Variants in POLR2J observed in about 807,000 individuals in gnomAD.
POLR2J encodes DNA-directed RNA polymerase II subunit RPB11-a.
Under a neutral mutation model 13.4 loss-of-function variants are expected in POLR2J, and 12 were observed. The observed-to-expected ratio is 0.90, with a 90% CI of 0.57 to 1.45. The LOEUF is 1.45. POLR2J is among the 40% of genes most tolerant of loss of function. POLR2J has a pLI of 0.00. For synonymous variants in POLR2J, 31 were observed against 53.6 expected, an observed-to-expected ratio of 0.58 and a Z score of 1.84; for missense variants, 58 against 132.0, an observed-to-expected ratio of 0.44 and a Z score of 2.75.
Position 102,473,490 on chromosome 7 carries a change from CCTA to C in POLR2J, c.*156_*158del. 1.1e-6 allele frequency: 1 copy of C among 902,384 alleles called. No homozygotes were observed. The allele number at this position is 902,384 out of a possible 1,614,324, so 55.9% of individuals were successfully genotyped here. On this transcript the variant is annotated 3_prime_UTR_variant, in exon 4 of 4. Coordinates refer to ENST00000292614, the MANE Select transcript of POLR2J (RefSeq NM_006234.6). ...GCTATACTTTATTAGGAATATAAAACCTAATCTATGTACAGGACACGTCGGTGT... is the reference window on the plus strand; with the variant it reads ...GCTATACTTTATTAGGAATATAAAACATCTATGTACAGGACACGTCGGTGT...
At position 102,473,667 on chromosome 7, in the gene POLR2J, C is replaced by G; in HGVS notation, c.336G>C (p.Lys112Asn). 1 of 1,613,882 alleles carries G rather than the reference C, an allele frequency of 6.2e-7. No individual in the cohort carries two copies. The highest frequency in any genetic ancestry group is 8.5e-7 in the Non-Finnish European group (1 of 1,179,930). Residue 112 changes from lysine to asparagine, a missense_variant, in exon 4 of 4, where the codon AAG becomes AAC. This residue lies in a region of POLR2J where 18 missense variants were observed against 16.0 expected (regional missense o/e 1.12). Coordinates refer to ENST00000292614, the MANE Select transcript of POLR2J (RefSeq NM_006234.6). The part of the protein sequence containing the change: ...EERFRVAIKD[K>N]QEGIE The stretch of plus-strand genomic sequence containing the variant: ...CTGGCCCCTACTCAATTCCTTCCTG[C>G]TTGTCTTTTATGGCCACCTGGGAGA...
chr7:102,474,166 G>C (rs899867316), intron 3 of POLR2J, 195 bp downstream of exon 3: 2 of 1,538,996 alleles, frequency 1.3e-6, no homozygotes, highest in Non-Finnish European at 1.8e-6. Context: ...CCATGGGGCA[G>C]ACGGGAGCCA....
Position 102,474,347 on chromosome 7 carries a change from G to A in POLR2J, c.318+14C>T. ...CCAGCCCACCCCGTCTGCCCCTCCA[G>A]GCCCCGCCCTCACCCGAAAGCGCTC... is the stretch of plus-strand genomic sequence containing the variant. On this transcript the variant is annotated intron_variant, in intron 3 of 3. Coordinates refer to ENST00000292614, the MANE Select transcript of POLR2J (RefSeq NM_006234.6). 6.2e-7 allele frequency: 1 copy of A among 1,611,902 alleles called. No individual in the cohort carries two copies. The highest frequency in any genetic ancestry group is 8.5e-7 in the Non-Finnish European group (1 of 1,179,772).
Position 102,473,584 on chromosome 7 carries a change from TGGAGCGGAGGGTCAGGCACAGGTA to T in POLR2J, c.*41_*64del. Reference sequence around the variant, plus strand: ...CGGCCGCTCTCCTCGGTGTGGTACCTGGAGCGGAGGGTCAGGCACAGGTAGGAACGGGGCTCACAGGCCGAGCAG... The same window carrying T: ...CGGCCGCTCTCCTCGGTGTGGTACCTGGAACGGGGCTCACAGGCCGAGCAG... On this transcript the variant is annotated 3_prime_UTR_variant, in exon 4 of 4. Coordinates refer to ENST00000292614, the MANE Select transcript of POLR2J (RefSeq NM_006234.6). 6.5e-7 allele frequency: 1 copy of T among 1,539,436 alleles called. No homozygotes were observed. The highest frequency in any genetic ancestry group is 8.7e-7 in the Non-Finnish European group (1 of 1,150,782).
chr7:102,473,758 T>C, intron 3 of POLR2J, 74 bp from the exon 4 acceptor site: 1 of 1,588,608 alleles, frequency 6.3e-7, no homozygotes. Context: ...ATGCCCAGCA[T>C]CCCCCCCGCC....
At chr7:102,476,428 C>T (rs1798435050) in intron 1 of POLR2J, among the ~76,000 whole-genome samples, 158 bp from the exon 2 acceptor site, 1 of 150,304 alleles carries the variant, frequency 6.7e-6, no homozygotes, top group Non-Finnish European at 1.5e-5. Flanking sequence ...GTCAGAAGTT[C>T]AAGACCAGCC....
In POLR2J at chr7:102,474,541, G is replaced by A. The variant is rs769409484; in HGVS notation, c.144-6C>T. 5.1e-6 allele frequency: 6 copies of A among 1,173,428 alleles called. 1 individual carries two copies. The highest frequency in any genetic ancestry group is 4.5e-5 in the African/African-American group (3 of 66,110). The allele number at this position is 1,173,428 out of a possible 1,614,324, so 72.7% of individuals were successfully genotyped here. On this transcript the variant is annotated splice_polypyrimidine_tract_variant and splice_region_variant and intron_variant, in intron 2 of 3. Transcript: ENST00000292614. ...GCGGGTCTTTTAGGAGTTGTCTGAG[G>A]TCAGGGACAGACAGTGTGAGGGTCT... is the stretch of plus-strand genomic sequence containing the variant.
chr7:102,474,210 G>C (rs1333308858), intron 3 of POLR2J, 151 bp downstream of exon 3: 8 of 1,555,362 alleles, frequency 5.1e-6, no homozygotes, highest in Non-Finnish European at 6.1e-6. Context: ...CAGTCCACAT[G>C]TCCTGGAGCC....
At chr7:102,473,911 G>C (rs1458764887) in intron 3 of POLR2J, 3 of 1,434,948 alleles carry the variant, frequency 2.1e-6, no homozygotes, top group South Asian at 3.0e-5. Flanking sequence ...CTGGTGAGCA[G>C]ACGACTCAGA....
chr7:102,473,977 T>TTCCCAG, intron 3 of POLR2J: 1 of 1,433,942 alleles, frequency 7.0e-7, no homozygotes, highest in South Asian at 1.5e-5. Context: ...TAGATTCCCA[T>TTCCCAG]GCGCCCTGCC....
Position 102,478,834 on chromosome 7 carries a change from C to G in POLR2J, c.27G>C (p.Ser9=), listed in dbSNP as rs564840969. 2.5e-6 allele frequency: 4 copies of G among 1,610,902 alleles called. No homozygotes were observed. The highest frequency in any genetic ancestry group is 2.7e-5 in the African/African-American group (2 of 74,992). Residue 9 remains serine (S), a synonymous_variant, in exon 1 of 4, where the codon TCG becomes TCC. Coordinates refer to ENST00000292614, the MANE Select transcript of POLR2J (RefSeq NM_006234.6). ...TCTTCTCGCCCTCGAAGAGCAAGAA[C>G]GACTCGAAGGCTGGAGGGGCGTTCA... is the stretch of plus-strand genomic sequence containing the variant. MNAPPAFE[S]FLLFEGEKKI... is the part of the protein sequence containing the mutation.
At chr7:102,473,765 C>G (rs548471539) in intron 3 of POLR2J, 81 bp from the exon 4 acceptor site, 90 of 1,583,426 alleles carry the variant, frequency 5.7e-5, no homozygotes, top group Middle Eastern at 3.7e-4. Context: ...GCATCCCCCC[C>G]GCCAGGCCCT....
At chr7:102,474,875 G>C (rs1798376678) in intron 2 of POLR2J, among the ~76,000 whole-genome samples, 1 of 149,346 alleles carries the variant, frequency 6.7e-6, no homozygotes, top group Admixed American at 6.7e-5. Context: ...AGCCCACAAA[G>C]AGCCTCCACG....
chr7:102,474,237 G>A (rs1179821911), intron 3 of POLR2J, 124 bp downstream of exon 3: 10 of 1,588,388 alleles, frequency 6.3e-6, no homozygotes, highest in Admixed American at 3.6e-5. Flanking sequence ...GGAAGTCCCT[G>A]CTCTTCCATC....
intron 1 of POLR2J, 152 bp downstream of exon 1, chr7:102,478,656 G>C: frequency 2.8e-6 from 4 of 1,436,440 alleles, no homozygotes; most frequent in Non-Finnish European, 3.7e-6. Context: ...CGACTGCCTC[G>C]CGGAACGGCC....
rs1189265780 is a variant in POLR2J at position 102,478,863 on chromosome 7, T to C, written c.-3A>G. On this transcript the variant is annotated 5_prime_UTR_variant, in exon 1 of 4. Transcript: ENST00000292614. ...TCGAAGGCTGGAGGGGCGTTCATGC[T>C]CCCGCCGCCGTTGCGTCCAGACCCC... 1.2e-6 allele frequency: 2 copies of C among 1,610,356 alleles called. No homozygotes were observed. The highest frequency in any genetic ancestry group is 8.5e-7 in the Non-Finnish European group (1 of 1,179,646).
chr7:102,473,740 G>C (rs1047404284), intron 3 of POLR2J, 56 bp from the exon 4 acceptor site: 4 of 1,610,226 alleles, frequency 2.5e-6, no homozygotes, highest in Admixed American at 3.4e-5. Flanking sequence ...CAAGGACGCT[G>C]GAAACACATG....
In POLR2J at chr7:102,473,278, G is replaced by A. The variant is rs1798286097; in HGVS notation, c.*371C>T. 1 of 609,454 alleles carries A rather than the reference G, an allele frequency of 1.6e-6. No homozygotes were observed. The highest frequency in any genetic ancestry group is 2.8e-6 in the Non-Finnish European group (1 of 358,054). The allele number at this position is 609,454 out of a possible 1,614,324, so 37.8% of individuals were successfully genotyped here. A position where few individuals can be genotyped will look rare whatever the true frequency, so the allele number is the denominator to read the frequency against. Reference sequence around the variant, plus strand: ...AGCAGAGACTCTTGGGAGCTCATGGGTTTGCACACTTCTCTCCGGCTCAGC... The same window carrying A: ...AGCAGAGACTCTTGGGAGCTCATGGATTTGCACACTTCTCTCCGGCTCAGC... On this transcript the variant is annotated 3_prime_UTR_variant, in exon 4 of 4. Transcript: ENST00000292614.
chr7:102,473,801 C>T (rs1563661170), intron 3 of POLR2J, 117 bp from the exon 4 acceptor site: 2 of 1,514,204 alleles, frequency 1.3e-6, no homozygotes, highest in South Asian at 2.6e-5. Flanking sequence ...ATGGGCCACA[C>T]TCCCCAGGAC....
Sources: gnomAD v4.1 joint callset for allele counts (sites outside exome capture counted in the v4.1 genomes callset) on GRCh38, gnomAD v4.1.1 for gene constraint, gnomAD v4.1.1 regional missense constraint, MANE v1.5 for transcripts, NCBI Gene and HGNC (gene_info 2026-07-23, HGNC 2026-07-21) for gene names.